DPP6: variants seen among roughly 807,000 people sequenced by gnomAD.
The protein encoded by DPP6 is dipeptidyl peptidase like 6, also known as A-type potassium channel modulatory protein DPP6.
A neutral mutation model predicts 122.6 loss-of-function variants in DPP6; 69 were observed. The observed-to-expected ratio is 0.56, with a 90% CI of 0.46 to 0.69. DPP6 has a LOEUF of 0.69. Among genes scored for constraint, DPP6 ranks in the 30% least tolerant of loss-of-function variants. The pLI, the probability that DPP6 is intolerant of heterozygous loss-of-function variation, is 0.00. For missense variants in DPP6, 928 were observed against 1,116.9 expected, an observed-to-expected ratio of 0.83 and a Z score of 2.41; for synonymous variants, 418 against 433.1, an observed-to-expected ratio of 0.97 and a Z score of 0.43.
At chr7:154,528,561 A>G (rs1317535563) in intron 3 of DPP6, among the ~76,000 whole-genome samples, 1 of 152,186 alleles carries the variant, frequency 6.6e-6, no homozygotes, top group Non-Finnish European at 1.5e-5. Context: ...TTCCTCATAC[A>G]TATATTTTTC....
the DPP6 span, among the ~76,000 whole-genome samples, chr7:153,827,092 A>G: frequency 6.6e-6 from 1 of 152,112 alleles, no homozygotes; most frequent in Non-Finnish European, 1.5e-5. Flanking sequence ...AGGCATAAAT[A>G]AAAAAGTTAA....
At chr7:154,688,886 C>A (rs1839781150) in intron 7 of DPP6, among the ~76,000 whole-genome samples, 1 of 152,170 alleles carries the variant, frequency 6.6e-6, no homozygotes, top group Non-Finnish European at 1.5e-5. Flanking sequence ...AGTTGACACT[C>A]AGTATTAACC....
intron 2 of DPP6, among the ~76,000 whole-genome samples, chr7:154,466,381 A>G (rs1308693808): frequency 6.6e-6 from 1 of 152,174 alleles, no homozygotes; most frequent in African/African-American, 2.4e-5. Context: ...GCAGAATTTC[A>G]TTTCTCACAC....
chr7:154,550,816 T>C (rs1305581770), intron 4 of DPP6, among the ~76,000 whole-genome samples: 9 of 151,022 alleles, frequency 6.0e-5, no homozygotes, highest in Admixed American at 6.0e-4. Flanking sequence ...AATGGCGCGA[T>C]CTCGGCTCAC....
At chr7:153,919,846 T>G (rs2129007820) in intron 1 of DPP6, among the ~76,000 whole-genome samples, 1 of 152,214 alleles carries the variant, frequency 6.6e-6, no homozygotes, top group Non-Finnish European at 1.5e-5. Context: ...AGGAGTGGGG[T>G]GGATGTAATT....
At chr7:154,066,678 C>T (rs1256187655) in intron 1 of DPP6, among the ~76,000 whole-genome samples, 5 of 151,448 alleles carry the variant, frequency 3.3e-5, no homozygotes, top group Non-Finnish European at 5.9e-5. Flanking sequence ...GCAAGGTCAC[C>T]TTCCTGAACA....
intron 1 of DPP6, among the ~76,000 whole-genome samples, chr7:153,929,371 G>A (rs1801069735): frequency 6.6e-6 from 1 of 152,146 alleles, no homozygotes; most frequent in South Asian, 2.1e-4. Context: ...GCTTCGTGTT[G>A]TGATTGGGAA....
At chr7:154,711,073 C>T (rs1205647206) in intron 7 of DPP6, among the ~76,000 whole-genome samples, 1 of 152,158 alleles carries the variant, frequency 6.6e-6, no homozygotes, top group Admixed American at 6.5e-5. Flanking sequence ...AATGCAATTG[C>T]CAAATAGTCA....
intron 6 of DPP6, among the ~76,000 whole-genome samples, chr7:154,655,072 A>G (rs1198792079): frequency 2.0e-5 from 3 of 152,138 alleles, no homozygotes; most frequent in African/African-American, 7.2e-5. Context: ...AGTGTATCAC[A>G]CATTTTTATA....
chr7:154,178,954 C>G (rs967520009), intron 1 of DPP6, among the ~76,000 whole-genome samples: 9 of 152,304 alleles, frequency 5.9e-5, no homozygotes, highest in African/African-American at 2.2e-4. Context: ...GAGTGAGGCT[C>G]TCACTGGGGG....
intron 1 of DPP6, among the ~76,000 whole-genome samples, chr7:153,912,513 G>A (rs1440655465): frequency 2.0e-5 from 3 of 152,142 alleles, no homozygotes; most frequent in Non-Finnish European, 2.9e-5. Context: ...TGAATTTGGT[G>A]CTTAGAAGGA....
chr7:154,229,707 CA>C (rs1234742934), intron 1 of DPP6, among the ~76,000 whole-genome samples: 2 of 152,102 alleles, frequency 1.3e-5, no homozygotes, highest in Non-Finnish European at 2.9e-5. Context: ...TTCTTCCGTC[CA>C]AGCTTCACCA....
At position 154,600,647 on chromosome 7, in the gene DPP6, C is replaced by T. The variant is rs191540771; in HGVS notation, c.627+33731C>T. 8.3e-5 allele frequency among the ~76,000 whole-genome samples: 10 copies of T among 121,152 alleles called. 3 individuals carry two copies. Among genetic ancestry groups the T allele is most frequent in the African/African-American group, 2.6e-5 (1 of 38,124 alleles). The allele number at this position is 121,152 out of a possible 152,430, so 79.5% of individuals were successfully genotyped here. A position where few individuals can be genotyped will look rare whatever the true frequency, so the allele number is the denominator to read the frequency against. On this transcript the variant is annotated intron_variant, in intron 5 of 25. Transcript: ENST00000377770. ...ATATGATGAAATGTCCAGGGTCACT[C>T]GGCTGGGAATTTGGGAAGCCAAGTT...
At chr7:153,810,509 T>C in the DPP6 span, among the ~76,000 whole-genome samples, 1 of 152,148 alleles carries the variant, frequency 6.6e-6, no homozygotes, top group Non-Finnish European at 1.5e-5. Flanking sequence ...TGTATGTTAC[T>C]ACATTAAATA....
chr7:154,471,213 C>T (rs887986753), intron 2 of DPP6, among the ~76,000 whole-genome samples: 2 of 152,054 alleles, frequency 1.3e-5, no homozygotes, highest in African/African-American at 4.8e-5. Context: ...ATTGCGCCAC[C>T]ACACTCCCGC....
intron 3 of DPP6, among the ~76,000 whole-genome samples, chr7:154,530,654 G>A (rs1827769934): frequency 6.6e-6 from 1 of 152,082 alleles, no homozygotes; most frequent in Admixed American, 6.5e-5. Context: ...TACACATGAA[G>A]GAATATAAAT....
Position 154,668,197 on chromosome 7 carries a change from T to TTATATATATATATATGTGTGTGTATATA in DPP6, c.681-1148_681-1147insGTGTGTGTATATATATATATATATATAT, listed in dbSNP as rs1838291243. Among the ~76,000 whole-genome samples the TTATATATATATATATGTGTGTGTATATA allele has an allele frequency of 5.5e-5, 2 of 36,482 alleles. 1 individual carries two copies. Among genetic ancestry groups the TTATATATATATATATGTGTGTGTATATA allele is most frequent in the Non-Finnish European group, 1.5e-4 (2 of 13,000 alleles). 23.9% of individuals were successfully genotyped at this position (36,482 alleles called of 152,430 possible). ...GTGCATTCCCAGCTATGTGTATATT[T>TTATATATATATATATGTGTGTGTATATA]TATATATATATATATATATATAATA... On this transcript the variant is annotated intron_variant, in intron 6 of 25. Transcript: ENST00000377770.
At chr7:153,923,118 A>G (rs1800718109) in intron 1 of DPP6, among the ~76,000 whole-genome samples, 1 of 152,372 alleles carries the variant, frequency 6.6e-6, no homozygotes, top group African/African-American at 2.4e-5. Context: ...GCCGCCAAAC[A>G]GCCAGGCAGT....
intron 1 of DPP6, among the ~76,000 whole-genome samples, chr7:154,294,940 C>T (rs1175110338): frequency 6.6e-6 from 1 of 152,202 alleles, no homozygotes; most frequent in African/African-American, 2.4e-5. Flanking sequence ...AGGCATCTGT[C>T]ACGCTGCCGT....
Sources: gnomAD v4.1 joint callset for allele counts (sites outside exome capture counted in the v4.1 genomes callset) on GRCh38, gnomAD v4.1.1 for gene constraint, MANE v1.5 for transcripts, NCBI Gene and HGNC (gene_info 2026-07-23, HGNC 2026-07-21) for gene names.